Variants in NCOA2 observed in about 807,000 individuals in gnomAD.
The protein encoded by NCOA2 is class E basic helix-loop-helix protein 75.
Under a neutral mutation model 145.1 loss-of-function variants are expected in NCOA2, and 21 were observed. The observed-to-expected ratio is 0.14, with a 90% CI of 0.10 to 0.21. The LOEUF (loss-of-function observed/expected upper bound fraction) is 0.21. Ranked by LOEUF, NCOA2 falls within the 10% of genes least tolerant of loss-of-function variation. The pLI is 1.00. For missense variants in NCOA2, 1,472 were observed against 1,837.6 expected, an observed-to-expected ratio of 0.80 and a Z score of 3.64; for synonymous variants, 619 against 637.5, an observed-to-expected ratio of 0.97 and a Z score of 0.44.
chr8:70,439,525 A>G, the NCOA2 span, among the ~76,000 whole-genome samples: 1 of 152,230 alleles, frequency 6.6e-6, no homozygotes, highest in Non-Finnish European at 1.5e-5. Flanking sequence ...CAACCATTCA[A>G]AAAAATTTAC....
intron 2 of NCOA2, among the ~76,000 whole-genome samples, chr8:70,236,008 C>T (rs1311076356): frequency 3.3e-5 from 5 of 152,188 alleles, no homozygotes; most frequent in South Asian, 2.1e-4. Flanking sequence ...AAAATCATGC[C>T]GCCTGCTAAG....
chr8:70,340,871 T>G (rs774603603), intron 1 of NCOA2, among the ~76,000 whole-genome samples: 5 of 150,858 alleles, frequency 3.3e-5, no homozygotes, highest in African/African-American at 9.8e-5. Context: ...TAAGTGGGAG[T>G]TGAATGATAA....
chr8:70,419,808 C>A, the NCOA2 span, among the ~76,000 whole-genome samples: 1 of 152,142 alleles, frequency 6.6e-6, no homozygotes. Context: ...AATAAACTTC[C>A]CATTTGCTAT....
chr8:70,275,260 A>G (rs1825382092), intron 2 of NCOA2, among the ~76,000 whole-genome samples: 1 of 152,184 alleles, frequency 6.6e-6, no homozygotes, highest in African/African-American at 2.4e-5. Context: ...TTTCCAGTAA[A>G]CTGAAATCAT....
chr8:70,180,186 T>C (rs1049430898), intron 4 of NCOA2, among the ~76,000 whole-genome samples: 2 of 152,244 alleles, frequency 1.3e-5, no homozygotes, highest in Non-Finnish European at 2.9e-5. Context: ...AAAGAAATCA[T>C]AAAATATCTC....
At chr8:70,432,738 A>G in the NCOA2 span, among the ~76,000 whole-genome samples, 8 of 152,156 alleles carry the variant, frequency 5.3e-5, no homozygotes, top group African/African-American at 1.7e-4. Context: ...TAAATGCTGA[A>G]TTCCCAGGAA....
chr8:70,128,605 A>G, intron 17 of NCOA2, 95 bp from the exon 18 acceptor site: 2 of 1,590,386 alleles, frequency 1.3e-6, no homozygotes, highest in Non-Finnish European at 1.7e-6. Context: ...CCAACCCAGT[A>G]TCTGCACATT....
chr8:70,250,837 T>C (rs1203848192), intron 2 of NCOA2, among the ~76,000 whole-genome samples: 1 of 152,216 alleles, frequency 6.6e-6, no homozygotes, highest in African/African-American at 2.4e-5. Flanking sequence ...TATTAATTTG[T>C]AAACCCATTA....
At chr8:70,361,554 A>G (rs1490327611) in intron 1 of NCOA2, among the ~76,000 whole-genome samples, 1 of 152,220 alleles carries the variant, frequency 6.6e-6, no homozygotes, top group African/African-American at 2.4e-5. Context: ...TTCATTTTAG[A>G]TGTTTACATA....
chr8:70,316,679 T>A (rs1359031709), intron 1 of NCOA2, among the ~76,000 whole-genome samples: 1 of 152,002 alleles, frequency 6.6e-6, no homozygotes, highest in African/African-American at 2.4e-5. Context: ...AGTTTTTTTC[T>A]GAAAATGGGA....
chr8:70,214,295 T>G (rs1274764059), intron 3 of NCOA2, among the ~76,000 whole-genome samples: 1 of 152,196 alleles, frequency 6.6e-6, no homozygotes, highest in Non-Finnish European at 1.5e-5. Flanking sequence ...CTGTTCAATG[T>G]GTTTGGCGTC....
chr8:70,309,823 G>A (rs543447653), intron 1 of NCOA2, among the ~76,000 whole-genome samples: 9 of 152,048 alleles, frequency 5.9e-5, no homozygotes, highest in African/African-American at 1.9e-4. Flanking sequence ...GTGTGGTGGT[G>A]CACATCTGTG....
At chr8:70,364,818 T>C (rs1810534317) in intron 1 of NCOA2, among the ~76,000 whole-genome samples, 1 of 145,552 alleles carries the variant, frequency 6.9e-6, no homozygotes, top group African/African-American at 2.5e-5. Context: ...TTCTATAAAG[T>C]AAAAAGGTTT....
At chr8:70,143,923 G>C (rs968585753) in intron 13 of NCOA2, among the ~76,000 whole-genome samples, 5 of 152,258 alleles carry the variant, frequency 3.3e-5, no homozygotes, top group Non-Finnish European at 7.3e-5. Flanking sequence ...ATATGTTACA[G>C]GGTACAGGAT....
intron 21 of NCOA2, among the ~76,000 whole-genome samples, chr8:70,121,998 G>A (rs1427063182): frequency 6.6e-6 from 1 of 152,182 alleles, no homozygotes; most frequent in East Asian, 1.9e-4. Context: ...GATTCAAATG[G>A]TTTAAAATCA....
At chr8:70,193,975 A>G (rs1028132555) in intron 4 of NCOA2, among the ~76,000 whole-genome samples, 1 of 152,212 alleles carries the variant, frequency 6.6e-6, no homozygotes, top group African/African-American at 2.4e-5. Flanking sequence ...TTCCTCAGAC[A>G]AAATTTCTTA....
At chr8:70,371,623 T>G (rs1212275181) in intron 1 of NCOA2, among the ~76,000 whole-genome samples, 1 of 152,236 alleles carries the variant, frequency 6.6e-6, no homozygotes, top group African/African-American at 2.4e-5. Context: ...TACTATTGGC[T>G]AGCAATGAAA....
At chr8:70,336,619 A>G (rs1807619938) in intron 1 of NCOA2, among the ~76,000 whole-genome samples, 2 of 152,004 alleles carry the variant, frequency 1.3e-5, no homozygotes, top group African/African-American at 2.4e-5. Context: ...AGAGGGAGAG[A>G]GAAAGAGAGA....
chr8:70,355,397 C>T (rs1239786558), intron 1 of NCOA2, among the ~76,000 whole-genome samples: 1 of 152,144 alleles, frequency 6.6e-6, no homozygotes, highest in African/African-American at 2.4e-5. Context: ...CCTACATGTG[C>T]CAGACACTAT....
Sources: gnomAD v4.1 joint callset for allele counts (sites outside exome capture counted in the v4.1 genomes callset) on GRCh38, gnomAD v4.1.1 for gene constraint, MANE v1.5 for transcripts, NCBI Gene and HGNC (gene_info 2026-07-23, HGNC 2026-07-21) for gene names.